KRABD3: variants seen among roughly 807,000 people sequenced by gnomAD.
KRABD3 encodes the protein KRAB domain-containing protein 3.
chr7:149,724,075 G>A, the KRABD3 span, among the ~76,000 whole-genome samples: 1 of 152,210 alleles, frequency 6.6e-6, no homozygotes, highest in South Asian at 2.1e-4. Flanking sequence ...GGCTCGGTCA[G>A]CGCTTGATAA....
chr7:149,720,758 G>A, the KRABD3 span: 1 of 1,372,034 alleles, frequency 7.3e-7, no homozygotes, highest in South Asian at 1.3e-5. Flanking sequence ...TGAGATGCTG[G>A]GTGTGAAAAC....
the KRABD3 span, among the ~76,000 whole-genome samples, chr7:149,718,950 CAA>C: frequency 6.6e-6 from 1 of 152,186 alleles, no homozygotes; most frequent in Non-Finnish European, 1.5e-5. Flanking sequence ...CCAAAGCTTC[CAA>C]GGGCAACCCC....
At chr7:149,728,098 A>G in the KRABD3 span, among the ~76,000 whole-genome samples, 1 of 152,250 alleles carries the variant, frequency 6.6e-6, no homozygotes, top group Admixed American at 6.5e-5. Flanking sequence ...TTGAAATTGC[A>G]TGCATGTTGG....
the KRABD3 span, among the ~76,000 whole-genome samples, chr7:149,715,860 G>A: frequency 6.6e-6 from 1 of 152,204 alleles, no homozygotes; most frequent in East Asian, 1.9e-4. Context: ...AGGTCTGGCT[G>A]CACAGTTAAG....
At chr7:149,719,946 C>T in the KRABD3 span, 1 of 1,495,534 alleles carries the variant, frequency 6.7e-7, no homozygotes, top group Non-Finnish European at 8.9e-7. This position sits in a 1 kb window ranked among gnomAD's most constrained non-coding sequence, Gnocchi z 5.6. Flanking sequence ...GGCTGCTATG[C>T]AACTGTGTGC....
At chr7:149,720,987 G>A in the KRABD3 span, 5 of 1,613,280 alleles carry the variant, frequency 3.1e-6, no homozygotes, top group African/African-American at 1.3e-5. Flanking sequence ...AGCGAGCCCC[G>A]AGGGTAAGTC....
the KRABD3 span, chr7:149,722,598 G>A: frequency 1.3e-6 from 2 of 1,584,294 alleles, no homozygotes; most frequent in Non-Finnish European, 1.7e-6. Flanking sequence ...GGGGAAGTGT[G>A]TTTAGTTCAC....
At chr7:149,723,096 C>T in the KRABD3 span, 1 of 703,996 alleles carries the variant, frequency 1.4e-6, no homozygotes, top group South Asian at 2.3e-5. Flanking sequence ...CTTTCTGGAG[C>T]CAGGTGGCTC....
chr7:149,722,346 G>A, the KRABD3 span: 1 of 1,553,262 alleles, frequency 6.4e-7, no homozygotes, highest in Non-Finnish European at 8.7e-7. Context: ...TGTCCTCTAT[G>A]GGAACCAGAT....
chr7:149,723,957 G>A, the KRABD3 span: 5 of 1,536,790 alleles, frequency 3.3e-6, no homozygotes, highest in African/African-American at 1.4e-5. Flanking sequence ...AGGCAGGGCT[G>A]TAGGTGGCCC....
chr7:149,715,830 G>C, the KRABD3 span, among the ~76,000 whole-genome samples: 331 of 152,318 alleles, frequency 2.2e-3, 1 homozygote, highest in African/African-American at 7.4e-3. Flanking sequence ...GTTGGGCAGG[G>C]ACAGTCAAGT....
the KRABD3 span, chr7:149,730,198 G>A: frequency 6.3e-7 from 1 of 1,575,596 alleles, no homozygotes; most frequent in African/African-American, 1.3e-5. Context: ...GCCCTGAGGG[G>A]GATCTTGCCT....
chr7:149,726,465 C>G, the KRABD3 span, among the ~76,000 whole-genome samples: 2 of 147,118 alleles, frequency 1.4e-5, no homozygotes, highest in South Asian at 4.4e-4. Flanking sequence ...TGAGACGAGT[C>G]TAACTCCTGT....
At chr7:149,720,217 C>G in the KRABD3 span, 2 of 1,407,958 alleles carry the variant, frequency 1.4e-6, no homozygotes, top group Admixed American at 2.3e-5. Context: ...TCAGTCCAGC[C>G]TCTCACCTCC....
chr7:149,729,360 G>A, the KRABD3 span: 1 of 1,501,364 alleles, frequency 6.7e-7, no homozygotes, highest in Non-Finnish European at 8.9e-7. Context: ...TGTGGAGGTG[G>A]CTCCCAGAGG....
chr7:149,728,609 T>C, the KRABD3 span: 2 of 1,613,732 alleles, frequency 1.2e-6, no homozygotes, highest in Non-Finnish European at 1.7e-6. Flanking sequence ...TGCCTGGCCC[T>C]GCTCCTCAGC....
chr7:149,733,756 G>C, the KRABD3 span: 11 of 1,589,956 alleles, frequency 6.9e-6, no homozygotes, highest in South Asian at 1.3e-4. Context: ...CCCAGCAGCT[G>C]CTGTCCTCTA....
At chr7:149,734,282 A>G in the KRABD3 span, 1 of 552,186 alleles carries the variant, frequency 1.8e-6, no homozygotes, top group South Asian at 2.4e-5. Flanking sequence ...ATTCAATCAA[A>G]TGTTGCTTCC....
the KRABD3 span, chr7:149,722,554 G>A: frequency 1.9e-6 from 3 of 1,605,766 alleles, no homozygotes; most frequent in Non-Finnish European, 2.5e-6. Flanking sequence ...TCAGAGGCCG[G>A]TGAGAGGCGG....
Sources: gnomAD v4.1 joint callset for allele counts (sites outside exome capture counted in the v4.1 genomes callset) on GRCh38, gnomAD v4.1.1 for gene constraint, Gnocchi (gnomAD v3.1) non-coding constraint, MANE v1.5 for transcripts, NCBI Gene and HGNC (gene_info 2026-07-23, HGNC 2026-07-21) for gene names.